Variants in INCA1 observed in about 807,000 individuals in gnomAD.
The protein encoded by INCA1 is protein INCA1.
Under a neutral mutation model 25.7 loss-of-function variants are expected in INCA1, and 28 were observed. That is an observed-to-expected ratio of 1.09 (90% confidence interval 0.81 to 1.49). The LOEUF (loss-of-function observed/expected upper bound fraction) is 1.49, where lower values mean the gene tolerates loss of function less well. INCA1 is among the 40% of genes most tolerant of loss of function. INCA1 has a pLI of 0.00. For missense variants in INCA1, 309 were observed against 290.9 expected (o/e 1.06, Z -0.45); for synonymous variants, 111 against 103.6 (o/e 1.07, Z -0.43).
chr17:4,996,189 A>C (rs1192657993), intron 1 of INCA1, among the ~76,000 whole-genome samples: 1 of 152,162 alleles, frequency 6.6e-6, no homozygotes, highest in Non-Finnish European at 1.5e-5. Context: ...GTTTGAGACC[A>C]GCCTGGGCAA....
intron 2 of INCA1, among the ~76,000 whole-genome samples, chr17:4,992,540 T>A (rs1330804883): frequency 1.3e-5 from 2 of 152,152 alleles, no homozygotes; most frequent in Non-Finnish European, 2.9e-5. Flanking sequence ...CACCTTGGCC[T>A]CCCAAAGTGC....
At chr17:4,988,544 G>A (rs1973537483) in exon 7 of INCA1, 1 of 1,609,502 alleles carries the variant, frequency 6.2e-7, no homozygotes, top group Non-Finnish European at 8.5e-7. Flanking sequence ...GCTCCAGGGA[G>A]ACCAAAGCAG....
At chr17:4,996,479 C>T (rs1974273970) in intron 1 of INCA1, among the ~76,000 whole-genome samples, 1 of 149,726 alleles carries the variant, frequency 6.7e-6, no homozygotes, top group Admixed American at 6.7e-5. Context: ...GTCAGGAGTT[C>T]GAGACCAGCC....
intron 6 of INCA1, 40 bp from the exon 7 acceptor site, chr17:4,988,594 T>C (rs1285996800): frequency 1.2e-6 from 2 of 1,605,892 alleles, no homozygotes; most frequent in East Asian, 4.5e-5. Context: ...AATGGAAAAG[T>C]AGGTCTTCTT....
At chr17:4,990,036 G>A in intron 3 of INCA1, 107 bp from the exon 4 acceptor site, 2 of 1,611,934 alleles carry the variant, frequency 1.2e-6, no homozygotes, top group Admixed American at 3.4e-5. Flanking sequence ...GAGCTACAAT[G>A]TCCACCAGCC....
intron 6 of INCA1, 81 bp from the exon 7 acceptor site, chr17:4,988,635 C>A: frequency 6.3e-7 from 1 of 1,575,232 alleles, no homozygotes; most frequent in East Asian, 2.2e-5. Flanking sequence ...AGCTTAGGTA[C>A]CTCGAAGTCT....
At position 4,988,985 on chromosome 17, in the gene INCA1, C is replaced by T. The variant is rs73973684; in HGVS notation, c.396-41G>A. On this transcript the variant is annotated intron_variant, in intron 5 of 6. Transcript: ENST00000576820. Reference sequence around the variant, plus strand: ...GCTGAGGAGAGAAGTGCCTGGAGGCCAGGCTTCCTGTCTCTCCATTCTTCA... The same window carrying T: ...GCTGAGGAGAGAAGTGCCTGGAGGCTAGGCTTCCTGTCTCTCCATTCTTCA... 1.7e-3 allele frequency: 2,663 copies of T among 1,578,822 alleles called. 30 individuals carry two copies. The African/African-American group carries it at 0.029, about 17-fold the overall frequency.
At chr17:4,988,207 G>A (rs767529975), downstream of INCA1, 20 of 516,190 alleles carry the variant, frequency 3.9e-5, no homozygotes, top group South Asian at 5.5e-4. Context: ...ACAGGACTTG[G>A]GGTGCTCCTG....
chr17:4,990,170 T>A lies in INCA1; in HGVS notation c.140A>T (p.Asn47Ile), dbSNP rs998847516. Reference sequence around the variant, plus strand: ...TACTCACGTGGGCCTTTGATTAAGGTTCTTCCAGAAGACATCTCCATAACG... The same window carrying A: ...TACTCACGTGGGCCTTTGATTAAGGATCTTCCAGAAGACATCTCCATAACG... Residue 47 changes from asparagine (N) to isoleucine (I), a missense_variant, in exon 3 of 7, where the codon AAC (asparagine) becomes ATC (isoleucine). Transcript: ENST00000576820. The A allele has an allele frequency of 1.6e-5, 26 of 1,614,050 alleles. No homozygotes were observed. Among genetic ancestry groups the A allele is most frequent in the Non-Finnish European group, 2.1e-5 (25 of 1,180,044 alleles).
chr17:4,995,375 G>C (rs1302764255), intron 1 of INCA1, among the ~76,000 whole-genome samples: 3 of 152,206 alleles, frequency 2.0e-5, no homozygotes, highest in Admixed American at 6.5e-5. Flanking sequence ...GCGACAACTG[G>C]CAATATGGGA....
chr17:4,988,327 A>G, exon 7 of INCA1: 2 of 1,456,930 alleles, frequency 1.4e-6, no homozygotes, highest in Non-Finnish European at 1.8e-6. Context: ...TCATGTCAGC[A>G]ATGAGGGTGA....
chr17:4,989,572 G>A, exon 5 of INCA1: 2 of 1,614,226 alleles, frequency 1.2e-6, no homozygotes, highest in Non-Finnish European at 1.7e-6. Context: ...CATTTCAGGG[G>A]GTGGGAGCTG....
chr17:4,990,088 GT>G (rs1352919405), intron 3 of INCA1, 63 bp downstream of exon 3: 18 of 1,610,466 alleles, frequency 1.1e-5, no homozygotes, highest in Non-Finnish European at 1.4e-5. Flanking sequence ...TGCTATATGG[GT>G]TTATGGTAGT....
rs747128815 is a variant in INCA1 at position 4,990,280 on chromosome 17, AG to A, written c.45-16del. ...CCCTGGAACACCTGAGGTGAGGACA[AG>A]GTAGGCTCGGGTCTGGCTCTTCCCT... On this transcript the variant is annotated splice_polypyrimidine_tract_variant and intron_variant, in intron 2 of 6. Coordinates refer to ENST00000576820, the Ensembl canonical transcript of INCA1. 3.7e-6 allele frequency: 6 copies of A among 1,607,808 alleles called. No homozygotes were observed. Among genetic ancestry groups the A allele is most frequent in the Admixed American group, 1.7e-5 (1 of 59,228 alleles).
At chr17:4,988,813 T>A (rs1239567951) in exon 6 of INCA1, 2 of 1,614,210 alleles carry the variant, frequency 1.2e-6, no homozygotes, top group African/African-American at 1.3e-5. Context: ...ACGGTCCTCT[T>A]CCTGTGGATA....
chr17:4,988,451 G>A (rs756581514), exon 7 of INCA1: 2 of 1,613,484 alleles, frequency 1.2e-6, no homozygotes, highest in Non-Finnish European at 8.5e-7. Flanking sequence ...ATTGTGAAGG[G>A]GGTTCCTTCT....
intron 1 of INCA1, among the ~76,000 whole-genome samples, chr17:4,995,404 A>C (rs1020520384): frequency 1.3e-5 from 2 of 152,216 alleles, no homozygotes; most frequent in Non-Finnish European, 2.9e-5. Flanking sequence ...TTGAAAAATG[A>C]TGACAGTGGA....
At chr17:4,994,599 G>C (rs1212631214) in intron 1 of INCA1, 124 bp from the exon 2 acceptor site, 8 of 641,224 alleles carry the variant, frequency 1.2e-5, no homozygotes, top group Non-Finnish European at 2.2e-5. Flanking sequence ...AGACCAGCCT[G>C]GCCAATATAG....
intron 5 of INCA1, 54 bp from the exon 6 acceptor site, chr17:4,988,998 T>C (rs754993453): frequency 1.3e-6 from 2 of 1,535,158 alleles, no homozygotes; most frequent in African/African-American, 2.7e-5. Flanking sequence ...GCTTCCTGTC[T>C]CTCCATTCTT....
Sources: allele counts gnomAD v4.1 joint callset (sites outside exome capture counted in the v4.1 genomes callset), GRCh38; gene constraint gnomAD v4.1.1; transcripts MANE v1.5; gene names NCBI Gene and HGNC (gene_info 2026-07-23, HGNC 2026-07-21).